Variants in PIK3C2G observed in about 807,000 individuals in gnomAD.
PIK3C2G encodes phosphatidylinositol-4-phosphate 3-kinase catalytic subunit type 2 gamma.
A neutral mutation model predicts 181.1 loss-of-function variants in PIK3C2G; 168 were observed. The observed-to-expected ratio is 0.93, with a 90% CI of 0.82 to 1.05. The LOEUF (loss-of-function observed/expected upper bound fraction) is 1.05, where lower values mean the gene tolerates loss of function less well. Among genes scored for constraint, PIK3C2G ranks in the 50% least tolerant of loss-of-function variants. The pLI is 0.00. For missense variants in PIK3C2G, 1,869 were observed against 1,732.8 expected (o/e 1.08, Z -1.40); for synonymous variants, 573 against 592.2 (o/e 0.97, Z 0.47).
the PIK3C2G span, among the ~76,000 whole-genome samples, chr12:18,666,745 A>G: frequency 2.6e-4 from 40 of 152,336 alleles, no homozygotes; most frequent in African/African-American, 9.1e-4. Flanking sequence ...ACTCAACAAT[A>G]GCAGAATACA....
At chr12:18,471,551 A>T (rs1029522468) in intron 18 of PIK3C2G, among the ~76,000 whole-genome samples, 11 of 152,120 alleles carry the variant, frequency 7.2e-5, no homozygotes. Context: ...GCCTTGGCTT[A>T]TGACAGTCTT....
chr12:18,711,678 A>T, the PIK3C2G span, among the ~76,000 whole-genome samples: 1 of 151,868 alleles, frequency 6.6e-6, no homozygotes, highest in East Asian at 1.9e-4. Context: ...CATTGATGAG[A>T]TGGGGAAGAT....
At chr12:18,456,063 G>A (rs1947609530) in intron 18 of PIK3C2G, among the ~76,000 whole-genome samples, 1 of 152,110 alleles carries the variant, frequency 6.6e-6, no homozygotes, top group South Asian at 2.1e-4. Context: ...TTGCCTTACA[G>A]AACAAAGACA....
downstream of PIK3C2G, among the ~76,000 whole-genome samples, chr12:18,650,752 A>G (rs183224082): frequency 0.21 from 20,671 of 99,804 alleles, 2,847 homozygotes; most frequent in East Asian, 0.39. Context: ...ATATATATAT[A>G]TATATATATA....
intron 1 of PIK3C2G, among the ~76,000 whole-genome samples, chr12:18,275,969 C>T (rs542904309): frequency 6.6e-6 from 1 of 152,166 alleles, no homozygotes; most frequent in East Asian, 1.9e-4. Context: ...AATAATTTTC[C>T]AGTCCTCTAA....
chr12:18,378,319 C>CCCA (rs1555173893), intron 13 of PIK3C2G, among the ~76,000 whole-genome samples: 49 of 151,976 alleles, frequency 3.2e-4, no homozygotes, highest in African/African-American at 1.2e-3. Context: ...TGAGTTCCCC[C>CCCA]CCCCGTAACT....
chr12:18,287,661 G>C (rs1029853131), intron 3 of PIK3C2G, among the ~76,000 whole-genome samples: 1 of 151,560 alleles, frequency 6.6e-6, no homozygotes, highest in Non-Finnish European at 1.5e-5. Flanking sequence ...TTTGAGACCA[G>C]CCTGGCCAAA....
At chr12:18,274,454 C>T (rs1948887939) in intron 1 of PIK3C2G, among the ~76,000 whole-genome samples, 1 of 152,182 alleles carries the variant, frequency 6.6e-6, no homozygotes, top group Non-Finnish European at 1.5e-5. Flanking sequence ...ACATATACAC[C>T]ATGGAATACT....
intron 8 of PIK3C2G, among the ~76,000 whole-genome samples, chr12:18,328,369 T>C (rs1951438681): frequency 6.6e-6 from 1 of 151,914 alleles, no homozygotes; most frequent in Non-Finnish European, 1.5e-5. Flanking sequence ...AATCTAACTG[T>C]ATTCATCTAG....
At chr12:18,520,129 T>A (rs1942820174) in intron 24 of PIK3C2G, among the ~76,000 whole-genome samples, 1 of 152,082 alleles carries the variant, frequency 6.6e-6, no homozygotes, top group African/African-American at 2.4e-5. Flanking sequence ...GCCTGGCATT[T>A]CTTTCTGGTT....
At chr12:18,523,199 A>G (rs555545004) in intron 24 of PIK3C2G, among the ~76,000 whole-genome samples, 2 of 152,302 alleles carry the variant, frequency 1.3e-5, no homozygotes, top group Admixed American at 1.3e-4. Flanking sequence ...CTTTAAGAGT[A>G]TTCTGAATAT....
intron 15 of PIK3C2G, among the ~76,000 whole-genome samples, chr12:18,398,678 C>T (rs1172881962): frequency 6.6e-6 from 1 of 152,084 alleles, no homozygotes; most frequent in African/African-American, 2.4e-5. Flanking sequence ...GGCCCTAGTC[C>T]TAGATTTAGA....
chr12:18,618,027 A>G (rs1948682411), intron 31 of PIK3C2G, among the ~76,000 whole-genome samples: 1 of 152,206 alleles, frequency 6.6e-6, no homozygotes, highest in Admixed American at 6.6e-5. Context: ...AAGACACCTT[A>G]ATAATAAACA....
chr12:18,511,523 G>T (rs1220978299), intron 24 of PIK3C2G, among the ~76,000 whole-genome samples: 5 of 152,026 alleles, frequency 3.3e-5, no homozygotes, highest in African/African-American at 1.2e-4. Flanking sequence ...TCTAACAGAT[G>T]TGAGGTGGTT....
intron 1 of PIK3C2G, among the ~76,000 whole-genome samples, chr12:18,266,268 T>C (rs1407510476): frequency 1.3e-5 from 2 of 152,048 alleles, no homozygotes. Flanking sequence ...CAACTAATAG[T>C]TCTATAATAC....
chr12:18,263,555 C>T (rs117881182), intron 1 of PIK3C2G, among the ~76,000 whole-genome samples: 1 of 152,132 alleles, frequency 6.6e-6, no homozygotes, highest in East Asian at 1.9e-4. Context: ...AAACTGTTGC[C>T]ATTTAAATTT....
intron 30 of PIK3C2G, among the ~76,000 whole-genome samples, chr12:18,597,380 A>C (rs1172268388): frequency 6.6e-6 from 1 of 152,160 alleles, no homozygotes; most frequent in African/African-American, 2.4e-5. Flanking sequence ...TCACAAATAC[A>C]TGAAAATAAA....
the PIK3C2G span, among the ~76,000 whole-genome samples, chr12:18,655,682 A>T: frequency 1.2e-3 from 180 of 152,160 alleles, 1 homozygote; most frequent in African/African-American, 4.1e-3. Context: ...CCTTGACAAG[A>T]TGTGATGAAA....
At chr12:18,710,222 T>C in the PIK3C2G span, among the ~76,000 whole-genome samples, 1 of 149,806 alleles carries the variant, frequency 6.7e-6, no homozygotes, top group Admixed American at 6.8e-5. Flanking sequence ...CTGTAGGCTT[T>C]TCATCCTTGC....
Sources: gnomAD v4.1 joint callset for allele counts (sites outside exome capture counted in the v4.1 genomes callset) on GRCh38, gnomAD v4.1.1 for gene constraint, MANE v1.5 for transcripts, NCBI Gene and HGNC (gene_info 2026-07-23, HGNC 2026-07-21) for gene names.